ROR1: variants seen among roughly 807,000 people sequenced by gnomAD.
The protein encoded by ROR1 is inactive tyrosine-protein kinase transmembrane receptor ROR1.
ROR1 carries 19 observed loss-of-function variants against 78.8 expected under a neutral mutation model. The observed-to-expected ratio is 0.24, with a 90% CI of 0.17 to 0.35. The LOEUF (loss-of-function observed/expected upper bound fraction) is 0.35, where lower values mean the gene tolerates loss of function less well. ROR1 is among the 10% of genes least tolerant of loss of function. The pLI, the probability that ROR1 is intolerant of heterozygous loss-of-function variation, is 1.00. For missense variants in ROR1, 917 were observed against 1,177.8 expected, an observed-to-expected ratio of 0.78 and a Z score of 3.24; for synonymous variants, 386 against 433.6, an observed-to-expected ratio of 0.89 and a Z score of 1.36.
At chr1:63,986,625 G>A (rs990484332) in intron 1 of ROR1, among the ~76,000 whole-genome samples, 3 of 152,186 alleles carry the variant, frequency 2.0e-5, no homozygotes, top group Non-Finnish European at 4.4e-5. Context: ...GGGCGTGGTG[G>A]CTCACGCCTG....
chr1:63,876,363 C>G (rs762906240), intron 1 of ROR1, among the ~76,000 whole-genome samples: 4 of 152,074 alleles, frequency 2.6e-5, no homozygotes, highest in Non-Finnish European at 5.9e-5. Flanking sequence ...TTTACTTCCT[C>G]CCACCCTGTG....
chr1:63,933,201 G>A (rs1014157829), intron 1 of ROR1, among the ~76,000 whole-genome samples: 3 of 152,160 alleles, frequency 2.0e-5, no homozygotes, highest in African/African-American at 4.8e-5. Flanking sequence ...TTGAGAGACA[G>A]GGCAGCATAG....
intron 1 of ROR1, chr1:63,843,532 TG>T: frequency 1.3e-6 from 1 of 754,858 alleles, no homozygotes. Flanking sequence ...AGGATCTTCT[TG>T]GTCTCCTCCA....
intron 1 of ROR1, among the ~76,000 whole-genome samples, chr1:63,894,782 T>G (rs1051720847): frequency 3.3e-5 from 5 of 152,194 alleles, no homozygotes; most frequent in African/African-American, 1.2e-4. Context: ...TACAAATTGT[T>G]AGAATAAACA....
intron 1 of ROR1, among the ~76,000 whole-genome samples, chr1:63,877,845 G>A (rs1345095904): frequency 2.0e-5 from 3 of 152,158 alleles, no homozygotes; most frequent in Non-Finnish European, 4.4e-5. Flanking sequence ...TGCTGTCAAA[G>A]TTTATAAACT....
intron 2 of ROR1, among the ~76,000 whole-genome samples, chr1:64,035,123 T>G (rs1445642341): frequency 6.6e-6 from 1 of 152,200 alleles, no homozygotes; most frequent in Non-Finnish European, 1.5e-5. Flanking sequence ...TGGCACACAC[T>G]AGCAGTCCAG....
At chr1:63,915,590 G>A (rs914876763) in intron 1 of ROR1, among the ~76,000 whole-genome samples, 5 of 152,108 alleles carry the variant, frequency 3.3e-5, no homozygotes, top group African/African-American at 1.2e-4. Flanking sequence ...AGGACTTAGA[G>A]CCCACAACAT....
intron 4 of ROR1, among the ~76,000 whole-genome samples, chr1:64,070,870 G>C (rs908992442): frequency 6.6e-6 from 1 of 152,228 alleles, no homozygotes; most frequent in Admixed American, 6.5e-5. Flanking sequence ...TAATGTGTCA[G>C]AGAGTAATGT....
chr1:63,922,286 A>G (rs148570002), intron 1 of ROR1, among the ~76,000 whole-genome samples: 37 of 152,330 alleles, frequency 2.4e-4, no homozygotes, highest in African/African-American at 7.5e-4. Context: ...AATTGTTCCA[A>G]TTTCATAGAT....
chr1:63,964,954 A>T (rs555650269), intron 1 of ROR1, among the ~76,000 whole-genome samples: 8 of 152,210 alleles, frequency 5.3e-5, no homozygotes, highest in Non-Finnish European at 1.2e-4. Context: ...GGATGTGCTA[A>T]GAGTTTGCTT....
At chr1:63,802,663 G>T (rs602353) in intron 1 of ROR1, among the ~76,000 whole-genome samples, 3 of 151,970 alleles carry the variant, frequency 2.0e-5, no homozygotes, top group Non-Finnish European at 4.4e-5. Context: ...GCAGTGATGA[G>T]ACTTTGATTT....
At chr1:64,026,791 A>G (rs1646614626) in intron 2 of ROR1, among the ~76,000 whole-genome samples, 1 of 152,182 alleles carries the variant, frequency 6.6e-6, no homozygotes, top group African/African-American at 2.4e-5. Context: ...CATTATCAGA[A>G]GAACAGCATG....
chr1:64,114,049 C>T (rs1286291189), intron 4 of ROR1, among the ~76,000 whole-genome samples: 1 of 152,098 alleles, frequency 6.6e-6, no homozygotes, highest in Non-Finnish European at 1.5e-5. Flanking sequence ...CCCTCTGCCC[C>T]TGAATTGTGC....
intron 1 of ROR1, among the ~76,000 whole-genome samples, chr1:63,782,280 G>A (rs1341927375): frequency 6.6e-6 from 1 of 152,150 alleles, no homozygotes; most frequent in Non-Finnish European, 1.5e-5. Context: ...GTTAAGTGAA[G>A]CCATGTGACT....
chr1:63,964,994 A>G lies in ROR1; in HGVS notation c.92-44311A>G, dbSNP rs547458623. 2.0e-5 allele frequency among the ~76,000 whole-genome samples: 3 copies of G among 152,344 alleles called. No individual in the cohort carries two copies. The South Asian group carries it at 6.2e-4, about 32-fold the overall frequency. ...GTGAAGTCTGTGTTCAACTTTCCTT[A>G]TGGCCTTATCTCTCAACAGGTACAA... On this transcript the variant is annotated intron_variant, in intron 1 of 8. Transcript: ENST00000371079.
At chr1:64,177,047 A>G (rs1650401893) in intron 8 of ROR1, among the ~76,000 whole-genome samples, 1 of 152,218 alleles carries the variant, frequency 6.6e-6, no homozygotes, top group South Asian at 2.1e-4. Flanking sequence ...CCTAATCTTC[A>G]CAGAAACCAC....
intron 1 of ROR1, among the ~76,000 whole-genome samples, chr1:63,822,459 CAT>C (rs1244588394): frequency 2.7e-5 from 4 of 146,824 alleles, no homozygotes; most frequent in African/African-American, 5.0e-5. Context: ...AAAAGGTAAA[CAT>C]GTGATGTGTT....
chr1:64,164,064 C>G (rs1334361258), intron 8 of ROR1, among the ~76,000 whole-genome samples: 1 of 152,126 alleles, frequency 6.6e-6, no homozygotes, highest in African/African-American at 2.4e-5. Flanking sequence ...TGACTTTCCT[C>G]CTATCTGCTT....
chr1:64,148,821 A>G lies in ROR1; in HGVS notation c.1174+6171A>G, dbSNP rs774538174. Among the ~76,000 whole-genome samples the G allele has an allele frequency of 2.7e-4, 41 of 152,302 alleles. 1 individual carries two copies. Among genetic ancestry groups the G allele is most frequent in the Admixed American group, 1.7e-3 (26 of 15,298 alleles). On this transcript the variant is annotated intron_variant, in intron 7 of 8. Coordinates refer to ENST00000371079, the MANE Select transcript of ROR1 (RefSeq NM_005012.4). ...AAAAAAGACAAAAGTTGGTTTGGGC[A>G]AGACCTGGCTTCTCATCCTCCATGT...
Sources: allele counts gnomAD v4.1 joint callset (sites outside exome capture counted in the v4.1 genomes callset), GRCh38; gene constraint gnomAD v4.1.1; transcripts MANE v1.5; gene names NCBI Gene and HGNC (gene_info 2026-07-23, HGNC 2026-07-21).